SHPRH: variants seen among roughly 807,000 people sequenced by gnomAD.
SHPRH encodes E3 ubiquitin-protein ligase SHPRH.
A neutral mutation model predicts 202.5 loss-of-function variants in SHPRH; 106 were observed. That is an observed-to-expected ratio of 0.52 (90% CI 0.45 to 0.62). The LOEUF (loss-of-function observed/expected upper bound fraction) is 0.62, where lower values mean the gene tolerates loss of function less well. Among genes scored for constraint, SHPRH ranks in the 20% least tolerant of loss-of-function variants. The pLI, the probability that SHPRH is intolerant of heterozygous loss-of-function variation, is 0.00. For synonymous variants in SHPRH, 729 were observed against 686.0 expected (o/e 1.06, Z -0.98); for missense variants, 1,710 against 2,020.0 (o/e 0.85, Z 2.94).
chr6:145,899,936 T>C (rs926850001), intron 25 of SHPRH, among the ~76,000 whole-genome samples: 2 of 151,950 alleles, frequency 1.3e-5, no homozygotes, highest in African/African-American at 4.8e-5. Context: ...GAAATACAAA[T>C]TAAAACCACA....
chr6:145,867,328 A>G (rs1779821868), intron 2 of SHPRH, among the ~76,000 whole-genome samples: 1 of 151,960 alleles, frequency 6.6e-6, no homozygotes, highest in Non-Finnish European at 1.5e-5. Context: ...AATGACCCCC[A>G]AAATACCAGG....
chr6:145,865,017 G>T (rs901848842), intron 2 of SHPRH, among the ~76,000 whole-genome samples: 2 of 150,924 alleles, frequency 1.3e-5, no homozygotes, highest in African/African-American at 4.9e-5. Flanking sequence ...TTCTAGTATG[G>T]AACATTCAGA....
chr6:145,950,570 T>C (rs1199736398), intron 3 of SHPRH, 88 bp from the exon 4 acceptor site: 2 of 1,246,058 alleles, frequency 1.6e-6, no homozygotes, highest in East Asian at 2.3e-5. Context: ...ACAATGAACT[T>C]GCCCAACTCT....
chr6:145,951,185 C>T (rs1787937094), intron 3 of SHPRH, among the ~76,000 whole-genome samples: 1 of 152,004 alleles, frequency 6.6e-6, no homozygotes, highest in Non-Finnish European at 1.5e-5. Flanking sequence ...CTTACTATAA[C>T]ATGAAAAAAG....
chr6:145,935,772 A>G (rs1785999243), intron 11 of SHPRH: 1 of 191,414 alleles, frequency 5.2e-6, no homozygotes, highest in Non-Finnish European at 1.1e-5. Context: ...TAAGACATAT[A>G]TAAGAAATAC....
At chr6:145,868,338 C>A (rs1180413579) in intron 2 of SHPRH, among the ~76,000 whole-genome samples, 2 of 152,140 alleles carry the variant, frequency 1.3e-5, no homozygotes, top group African/African-American at 2.4e-5. Flanking sequence ...AGTGGAGATA[C>A]AATTCATCCC....
intron 1 of SHPRH, among the ~76,000 whole-genome samples, chr6:145,960,112 T>C (rs1019159926): frequency 1.3e-5 from 2 of 152,234 alleles, no homozygotes; most frequent in African/African-American, 4.8e-5. Context: ...AGGAGGCTAA[T>C]CTAGGCTAGG....
intron 2 of SHPRH, among the ~76,000 whole-genome samples, chr6:145,952,787 G>A (rs1340078046): frequency 6.6e-6 from 1 of 152,026 alleles, no homozygotes; most frequent in Non-Finnish European, 1.5e-5. Flanking sequence ...TCCCAAAACT[G>A]ATGAATTAAT....
intron 3 of SHPRH, chr6:145,951,750 A>G (rs2128799461): frequency 2.2e-6 from 1 of 455,622 alleles, no homozygotes; most frequent in Non-Finnish European, 4.4e-6. Flanking sequence ...CTCCAGTATG[A>G]CAATGTTCTA....
chr6:145,952,631 CA>C (rs1788097339), intron 2 of SHPRH, among the ~76,000 whole-genome samples, 153 bp from the exon 3 acceptor site: 2 of 152,148 alleles, frequency 1.3e-5, no homozygotes, highest in South Asian at 4.1e-4. Flanking sequence ...AAATTTCCCC[CA>C]CGTGTTTCAT....
chr6:145,920,469 A>C (rs1784347199), intron 21 of SHPRH, among the ~76,000 whole-genome samples: 1 of 152,110 alleles, frequency 6.6e-6, no homozygotes, highest in African/African-American at 2.4e-5. Context: ...AATTTATGAC[A>C]TATGAACTGA....
At chr6:145,906,941 G>C (rs1783017415) in intron 25 of SHPRH, 1 of 152,188 alleles carries the variant, frequency 6.6e-6, no homozygotes, top group Non-Finnish European at 1.5e-5. Flanking sequence ...TACCTGCCTG[G>C]ATTGCCTGTC....
chr6:145,926,171 T>C (rs370324982), intron 16 of SHPRH, 33 bp downstream of exon 16: 61 of 1,573,182 alleles, frequency 3.9e-5, no homozygotes, highest in East Asian at 1.6e-4. Context: ...GAAGAAAATA[T>C]ACTTTTATAG....
intron 22 of SHPRH, 143 bp downstream of exon 22, chr6:145,919,205 T>G (rs1784213401): frequency 8.0e-7 from 1 of 1,252,638 alleles, no homozygotes; most frequent in Non-Finnish European, 1.1e-6. Context: ...ATAAAGACAA[T>G]TTTCTATGGG....
chr6:145,947,011 A>G (rs1311383622), intron 6 of SHPRH, among the ~76,000 whole-genome samples: 1 of 152,042 alleles, frequency 6.6e-6, no homozygotes, highest in Non-Finnish European at 1.5e-5. Context: ...TTTAAACACA[A>G]TTATGTATTT....
chr6:145,873,628 C>A (rs1218282647), intron 2 of SHPRH, among the ~76,000 whole-genome samples: 2 of 146,296 alleles, frequency 1.4e-5, no homozygotes, highest in East Asian at 2.0e-4. Context: ...TGCTTCCCAG[C>A]AGCATACTGT....
At chr6:145,868,281 T>C (rs1779893667) in intron 2 of SHPRH, among the ~76,000 whole-genome samples, 1 of 152,200 alleles carries the variant, frequency 6.6e-6, no homozygotes, top group South Asian at 2.1e-4. Context: ...AACACAGTCA[T>C]ATTCTAAGGC....
At position 145,923,706 on chromosome 6, in the gene SHPRH, C is replaced by T. The variant is rs1480919756; in HGVS notation, c.3482G>A (p.Arg1161Gln). The T allele has an allele frequency of 1.2e-6, 2 of 1,612,024 alleles. No homozygotes were observed. The highest frequency in any genetic ancestry group is 1.7e-6 in the Non-Finnish European group (2 of 1,178,746). Residue 1161 changes from arginine to glutamine, a missense_variant, in exon 18 of 30, where the codon CGA (arginine) becomes CAA (glutamine). By Grantham distance (43) the Arg-to-Gln change is conservative. This residue lies in a region of SHPRH where 288 missense variants were observed against 317.8 expected (regional missense o/e 0.91). Transcript: ENST00000275233. ...EFTIDEELVQ[R>Q]VRNEITSNYK... ...GTTGCTGGTTATTTCATTTCGCACT[C>T]GCTGAACTAGCTCCTCATCAATAGT...
At chr6:145,883,000 T>C (rs369193769), downstream of SHPRH, among the ~76,000 whole-genome samples, 41 of 152,220 alleles carry the variant, frequency 2.7e-4, no homozygotes, top group African/African-American at 8.4e-4. Flanking sequence ...GCTCCTCTAA[T>C]AGGCTATCTA....
Sources: allele counts gnomAD v4.1 joint callset (sites outside exome capture counted in the v4.1 genomes callset), GRCh38; gene constraint gnomAD v4.1.1; regional missense constraint gnomAD v4.1.1; transcripts MANE v1.5; gene names NCBI Gene and HGNC (gene_info 2026-07-23, HGNC 2026-07-21).